The following SPOCK3 variants were observed in gnomAD, a reference collection of about 807,000 sequenced individuals.
SPOCK3 encodes the protein testican-3.
Under a neutral mutation model 56.6 loss-of-function variants are expected in SPOCK3, and 30 were observed. That is an observed-to-expected ratio of 0.53 (90% CI 0.40 to 0.72). SPOCK3 has a LOEUF of 0.72. Among genes scored for constraint, SPOCK3 ranks in the 30% least tolerant of loss-of-function variants. The pLI is 0.00. For missense variants in SPOCK3, 527 were observed against 530.0 expected (o/e 0.99, Z 0.06); for synonymous variants, 196 against 183.3 (o/e 1.07, Z -0.56).
At chr4:167,079,581 T>A (rs1757528951) in intron 2 of SPOCK3, among the ~76,000 whole-genome samples, 1 of 151,758 alleles carries the variant, frequency 6.6e-6, no homozygotes, top group African/African-American at 2.4e-5. Context: ...TTTTCATCAG[T>A]GATTAGATGC....
rs559291444 is a variant in SPOCK3 at position 167,047,462 on chromosome 4, T to C, written c.235+15030A>G. Among the ~76,000 whole-genome samples the C allele has an allele frequency of 1.5e-4, 23 of 152,318 alleles. No individual in the cohort carries two copies. In the South Asian group the frequency reaches 1.7e-3, roughly 11 times the overall value. On this transcript the variant is annotated intron_variant, in intron 3 of 10. Coordinates refer to ENST00000357545, the MANE Select transcript of SPOCK3 (RefSeq NM_001040159.2). ...CTTTTTGCAAAGGCCAAATTATGACTTTTAAATCATTGTATGAATTTCCCA... is the reference window on the plus strand; with the variant it reads ...CTTTTTGCAAAGGCCAAATTATGACCTTTAAATCATTGTATGAATTTCCCA...
chr4:166,871,585 G>T (rs1370668252), intron 6 of SPOCK3, among the ~76,000 whole-genome samples: 1 of 151,460 alleles, frequency 6.6e-6, no homozygotes, highest in Non-Finnish European at 1.5e-5. Flanking sequence ...ACAAAGAAAA[G>T]ATCTGCCAAG....
chr4:167,224,109 C>A (rs1309660517), intron 2 of SPOCK3, among the ~76,000 whole-genome samples: 3 of 152,000 alleles, frequency 2.0e-5, no homozygotes, highest in Non-Finnish European at 4.4e-5. Flanking sequence ...AAAATTATTT[C>A]CATCAAATAT....
intron 4 of SPOCK3, among the ~76,000 whole-genome samples, chr4:166,981,419 A>G (rs1001323394): frequency 6.6e-6 from 1 of 151,992 alleles, no homozygotes. Context: ...CTCAGAGGGT[A>G]GGCGACCTGG....
intron 6 of SPOCK3, among the ~76,000 whole-genome samples, chr4:166,882,230 C>A (rs1733754771): frequency 6.6e-6 from 1 of 152,112 alleles, no homozygotes; most frequent in Admixed American, 6.6e-5. Context: ...ATCACTCCCT[C>A]CAGGGTAATT....
intron 2 of SPOCK3, among the ~76,000 whole-genome samples, chr4:167,184,357 AT>A (rs1391105841): frequency 1.1e-4 from 16 of 152,158 alleles, no homozygotes; most frequent in Admixed American, 2.6e-4. Context: ...TATGTCTTAA[AT>A]GCTCCTAATT....
chr4:167,142,812 C>T (rs1006725982), intron 2 of SPOCK3, among the ~76,000 whole-genome samples: 1 of 151,914 alleles, frequency 6.6e-6, no homozygotes, highest in African/African-American at 2.4e-5. Flanking sequence ...CAAAGGTATA[C>T]TAATATAAAT....
intron 5 of SPOCK3, among the ~76,000 whole-genome samples, chr4:166,895,542 A>G (rs1735287264): frequency 6.6e-6 from 1 of 152,162 alleles, no homozygotes; most frequent in Non-Finnish European, 1.5e-5. Context: ...GATGATTTCA[A>G]TGGTTACCCA....
intron 2 of SPOCK3, among the ~76,000 whole-genome samples, chr4:167,232,351 A>T (rs1284941356): frequency 1.7e-5 from 1 of 59,410 alleles, no homozygotes; most frequent in Non-Finnish European, 3.5e-5. Context: ...ATTTTATTAA[A>T]AAAAAAAAAA....
chr4:166,855,682 A>G (rs1730569867), intron 6 of SPOCK3, among the ~76,000 whole-genome samples: 2 of 152,228 alleles, frequency 1.3e-5, no homozygotes, highest in African/African-American at 4.8e-5. Context: ...CTTGTAGTTT[A>G]TGCATCATGT....
rs1560837645 is a variant in SPOCK3 at position 166,769,572 on chromosome 4, C to A, written c.710-14843G>T. Among the ~76,000 whole-genome samples, 4 of 152,260 alleles carry A rather than the reference C, an allele frequency of 2.6e-5. No homozygotes were observed. In the South Asian group the frequency reaches 8.3e-4, roughly 32 times the overall value. On this transcript the variant is annotated intron_variant, in intron 7 of 10. Transcript: ENST00000357545. The stretch of plus-strand genomic sequence containing the variant: ...AGCTTCGTCTCAGAGGGGTACCTGG[C>A]CATGTGAGGTGTCAGTCTGCCCCTA...
At chr4:167,171,250 G>C (rs1339463978) in intron 2 of SPOCK3, among the ~76,000 whole-genome samples, 1 of 152,102 alleles carries the variant, frequency 6.6e-6, no homozygotes, top group Non-Finnish European at 1.5e-5. Flanking sequence ...CATTAAAGGT[G>C]TAGAATGTGC....
intron 2 of SPOCK3, among the ~76,000 whole-genome samples, chr4:167,177,370 G>A (rs1009915829): frequency 6.6e-6 from 1 of 151,966 alleles, no homozygotes; most frequent in Non-Finnish European, 1.5e-5. Context: ...AACCTTATAA[G>A]GAAGATGCCA....
intron 2 of SPOCK3, among the ~76,000 whole-genome samples, chr4:167,103,063 T>C (rs1012993760): frequency 2.0e-5 from 3 of 151,438 alleles, no homozygotes; most frequent in Non-Finnish European, 4.4e-5. Context: ...TTCCAGGTAC[T>C]AGCTCCCAGA....
At chr4:167,131,637 A>G (rs1280398552) in intron 2 of SPOCK3, among the ~76,000 whole-genome samples, 1 of 152,074 alleles carries the variant, frequency 6.6e-6, no homozygotes, top group Non-Finnish European at 1.5e-5. Context: ...AACAACAACA[A>G]AAACCTGGGA....
At chr4:166,799,843 A>G (rs761831448) in intron 6 of SPOCK3, among the ~76,000 whole-genome samples, 15 of 152,088 alleles carry the variant, frequency 9.9e-5, no homozygotes, top group Non-Finnish European at 1.5e-4. Context: ...GTTCACAGTG[A>G]AAGATTTAGC....
At chr4:167,136,432 G>A (rs981174910) in intron 2 of SPOCK3, among the ~76,000 whole-genome samples, 1 of 152,002 alleles carries the variant, frequency 6.6e-6, no homozygotes, top group Non-Finnish European at 1.5e-5. Context: ...ACATAAATAT[G>A]ACAATAAAAG....
chr4:166,764,841 T>A (rs979414711), intron 7 of SPOCK3, among the ~76,000 whole-genome samples: 19 of 151,232 alleles, frequency 1.3e-4, no homozygotes, highest in African/African-American at 4.6e-4. Flanking sequence ...CCACATCCTC[T>A]CCAGCACCTG....
At chr4:166,773,958 A>G (rs1240002073) in intron 7 of SPOCK3, among the ~76,000 whole-genome samples, 1 of 152,142 alleles carries the variant, frequency 6.6e-6, no homozygotes, top group Admixed American at 6.5e-5. Context: ...GTTTTCTCCT[A>G]TCTCTGGAAG....
Sources: gnomAD v4.1 joint callset for allele counts (sites outside exome capture counted in the v4.1 genomes callset) on GRCh38, gnomAD v4.1.1 for gene constraint, MANE v1.5 for transcripts, NCBI Gene and HGNC (gene_info 2026-07-23, HGNC 2026-07-21) for gene names.